RANBP2: variants seen among roughly 807,000 people sequenced by gnomAD.
RANBP2 encodes E3 SUMO-protein ligase RanBP2.
In RANBP2, 57 loss-of-function variants were observed where a neutral mutation model predicts 303.6. That is an observed-to-expected ratio of 0.19 (90% confidence interval 0.15 to 0.23). RANBP2 has a LOEUF of 0.23. RANBP2 is among the 10% of genes least tolerant of loss of function. RANBP2 has a pLI of 1.00. For missense variants in RANBP2, 3,138 were observed against 3,780.8 expected (o/e 0.83, Z 4.46); for synonymous variants, 1,167 against 1,301.5 (o/e 0.90, Z 2.23).
the RANBP2 span, among the ~76,000 whole-genome samples, chr2:109,417,137 G>A: frequency 6.6e-6 from 1 of 152,190 alleles, no homozygotes; most frequent in Non-Finnish European, 1.5e-5. Flanking sequence ...TTCTTCAGTG[G>A]CCACAAGGAG....
the RANBP2 span, among the ~76,000 whole-genome samples, chr2:108,964,411 A>G: frequency 6.6e-6 from 1 of 152,130 alleles, no homozygotes; most frequent in Non-Finnish European, 1.5e-5. Flanking sequence ...ACGAAAAGGG[A>G]TCAGGTCATG....
chr2:109,679,957 C>T, the RANBP2 span, among the ~76,000 whole-genome samples: 7 of 151,946 alleles, frequency 4.6e-5, no homozygotes, highest in South Asian at 2.1e-4. Flanking sequence ...TGTGAGCAGA[C>T]GAAATCAGTC....
At chr2:108,799,323 CTTG>C in the RANBP2 span, among the ~76,000 whole-genome samples, 1 of 152,184 alleles carries the variant, frequency 6.6e-6, no homozygotes, top group African/African-American at 2.4e-5. Context: ...ATATAACTTA[CTTG>C]GAGTAAAATT....
chr2:109,735,209 T>C, the RANBP2 span, among the ~76,000 whole-genome samples: 3 of 152,198 alleles, frequency 2.0e-5, no homozygotes, highest in Non-Finnish European at 4.4e-5. Flanking sequence ...TACTCTTTAC[T>C]TCTATGAGCT....
At chr2:108,756,397 A>G (rs192528097) in intron 17 of RANBP2, among the ~76,000 whole-genome samples, 4 of 151,736 alleles carry the variant, frequency 2.6e-5, no homozygotes, top group Non-Finnish European at 4.4e-5. Context: ...AATTGGAAAT[A>G]AAAGTAGGTT....
At chr2:108,752,590 G>A (rs895223217) in intron 12 of RANBP2, among the ~76,000 whole-genome samples, 24 of 144,880 alleles carry the variant, frequency 1.7e-4, no homozygotes, top group South Asian at 1.1e-3. Context: ...TGGCTAACAC[G>A]GTGAAACCCC....
chr2:109,571,538 TATATCTAAAC>T, the RANBP2 span, among the ~76,000 whole-genome samples: 10 of 152,232 alleles, frequency 6.6e-5, no homozygotes, highest in African/African-American at 2.4e-4. Context: ...TAAGTATGTG[TATATCTAAAC>T]ATATCTAAAC....
the RANBP2 span, among the ~76,000 whole-genome samples, chr2:108,800,922 C>A: frequency 8.6e-6 from 1 of 116,828 alleles, no homozygotes; most frequent in Non-Finnish European, 1.8e-5. Context: ...ATGATGGTTT[C>A]CAGTTTCATC....
the RANBP2 span, among the ~76,000 whole-genome samples, chr2:109,630,963 G>A: frequency 2.0e-5 from 3 of 152,162 alleles, no homozygotes; most frequent in Non-Finnish European, 4.4e-5. Context: ...CTACTCGGGA[G>A]GCTGAGGCAG....
chr2:108,861,348 A>G, the RANBP2 span, among the ~76,000 whole-genome samples: 119 of 148,834 alleles, frequency 8.0e-4, no homozygotes, highest in African/African-American at 2.8e-3. Flanking sequence ...TGTTTTTATT[A>G]TTTCTTCAGC....
the RANBP2 span, among the ~76,000 whole-genome samples, chr2:109,513,802 G>A: frequency 6.6e-6 from 1 of 152,162 alleles, no homozygotes; most frequent in Non-Finnish European, 1.5e-5. Context: ...TGTGGCCAGG[G>A]GTGTAGGGGA....
At chr2:109,352,462 G>A in the RANBP2 span, among the ~76,000 whole-genome samples, 1 of 152,204 alleles carries the variant, frequency 6.6e-6, no homozygotes, top group Non-Finnish European at 1.5e-5. Flanking sequence ...AGAGCCAGGC[G>A]ATGGGCAAGC....
At chr2:109,229,484 C>T in the RANBP2 span, among the ~76,000 whole-genome samples, 2 of 152,130 alleles carry the variant, frequency 1.3e-5, no homozygotes, top group Non-Finnish European at 2.9e-5. Flanking sequence ...CAGACTGGTC[C>T]TGGGGTGGTC....
the RANBP2 span, among the ~76,000 whole-genome samples, chr2:109,607,498 A>G: frequency 1.3e-5 from 2 of 152,204 alleles, no homozygotes; most frequent in African/African-American, 4.8e-5. Flanking sequence ...ATAAATAAAT[A>G]AACAAATGGT....
chr2:109,065,948 AT>A, the RANBP2 span, among the ~76,000 whole-genome samples: 1 of 151,494 alleles, frequency 6.6e-6, no homozygotes, highest in East Asian at 1.9e-4. Flanking sequence ...GCTCTTGTGG[AT>A]TTTTTTTGAC....
At chr2:109,050,754 C>G in the RANBP2 span, among the ~76,000 whole-genome samples, 20 of 151,454 alleles carry the variant, frequency 1.3e-4, no homozygotes, top group Non-Finnish European at 2.8e-4. Context: ...TCTTACAATA[C>G]TAGAAAATGT....
the RANBP2 span, among the ~76,000 whole-genome samples, chr2:109,266,545 T>G: frequency 6.6e-6 from 1 of 152,070 alleles, no homozygotes; most frequent in Admixed American, 6.5e-5. Flanking sequence ...GTGAAGTCCT[T>G]AAACCACTGG....
the RANBP2 span, among the ~76,000 whole-genome samples, chr2:108,928,984 A>G: frequency 6.6e-6 from 1 of 152,236 alleles, no homozygotes; most frequent in Admixed American, 6.5e-5. Context: ...CTTAGGAGAC[A>G]CAGAGGCAGA....
At chr2:109,090,238 G>T in the RANBP2 span, among the ~76,000 whole-genome samples, 2 of 151,644 alleles carry the variant, frequency 1.3e-5, no homozygotes, top group African/African-American at 4.9e-5. Context: ...TCATCTTGGT[G>T]CATGTGGAGG....
Sources: allele counts gnomAD v4.1 joint callset (sites outside exome capture counted in the v4.1 genomes callset), GRCh38; gene constraint gnomAD v4.1.1; transcripts MANE v1.5; gene names NCBI Gene and HGNC (gene_info 2026-07-23, HGNC 2026-07-21).